Variants in ZFPM1 observed in about 807,000 individuals in gnomAD.
ZFPM1 encodes the protein zinc finger protein ZFPM1.
A neutral mutation model predicts 46.3 loss-of-function variants in ZFPM1; 28 were observed. That is an observed-to-expected ratio of 0.60 (90% CI 0.45 to 0.83). The LOEUF (loss-of-function observed/expected upper bound fraction) is 0.83. Among genes scored for constraint, ZFPM1 ranks in the 40% least tolerant of loss-of-function variants. The pLI is 0.00. For synonymous variants in ZFPM1, 957 were observed against 675.9 expected (o/e 1.42, Z -6.45); for missense variants, 1,878 against 1,432.4 (o/e 1.31, Z -5.02).
chr16:88,474,493 A>C (rs546959623), intron 1 of ZFPM1, among the ~76,000 whole-genome samples: 2 of 151,920 alleles, frequency 1.3e-5, no homozygotes, highest in Middle Eastern at 6.8e-3. Context: ...ATAAAACCCC[A>C]GCTCCCTCCA....
chr16:88,523,109 G>C (rs958088648), intron 4 of ZFPM1, among the ~76,000 whole-genome samples: 6 of 152,022 alleles, frequency 3.9e-5, no homozygotes, highest in Non-Finnish European at 7.4e-5. Context: ...GGGAGGCTGA[G>C]GCAGGAGAAT....
chr16:88,456,180 G>A (rs1022839711), intron 1 of ZFPM1, among the ~76,000 whole-genome samples: 42 of 152,206 alleles, frequency 2.8e-4, no homozygotes, highest in African/African-American at 1.0e-3. Context: ...TGTGGCCGGT[G>A]GTACAGTCCG....
At chr16:88,465,690 C>T (rs889707807) in intron 1 of ZFPM1, among the ~76,000 whole-genome samples, 2 of 152,184 alleles carry the variant, frequency 1.3e-5, no homozygotes, top group African/African-American at 4.8e-5. Flanking sequence ...GTGTGCTCCC[C>T]GGCTTGGCTC....
In ZFPM1 at chr16:88,534,851, C is replaced by G; in HGVS notation, c.2893C>G (p.Pro965Ala). The change falls in exon 10 of 10, where the codon CCG (proline) becomes GCG (alanine). Residue 965 changes from proline (P) to alanine (A), a missense_variant. By Grantham distance (27) the Pro-to-Ala change is conservative. Transcript: ENST00000319555. ...KGVQTPSKGT[P>A]APLPNGNHRY... The stretch of plus-strand genomic sequence containing the variant: ...CGTCCAGACTCCCAGCAAGGGCACG[C>G]CGGCGCCGCTGCCCAACGGCAACCA... 6.4e-7 allele frequency: 1 copy of G among 1,562,672 alleles called. No homozygotes were observed.
chr16:88,485,890 G>C, intron 1 of ZFPM1, 49 bp from the exon 2 acceptor site: 1 of 1,577,338 alleles, frequency 6.3e-7, no homozygotes, highest in Middle Eastern at 1.7e-4. Context: ...GGAGGCAGGA[G>C]CTGTCCCCCC....
At chr16:88,462,536 G>A (rs1350355666) in intron 1 of ZFPM1, among the ~76,000 whole-genome samples, 1 of 152,198 alleles carries the variant, frequency 6.6e-6, no homozygotes, top group Admixed American at 6.5e-5. Context: ...GCTGTGCCTA[G>A]GACCTGCATG....
At chr16:88,458,211 C>T (rs1324946902) in intron 1 of ZFPM1, among the ~76,000 whole-genome samples, 1 of 152,216 alleles carries the variant, frequency 6.6e-6, no homozygotes, top group Non-Finnish European at 1.5e-5. Flanking sequence ...CATCCTCCGG[C>T]TTCTGTCTGC....
intron 1 of ZFPM1, among the ~76,000 whole-genome samples, chr16:88,458,746 T>G (rs112459901): frequency 0.025 from 3,756 of 152,226 alleles, 151 homozygotes; most frequent in African/African-American, 0.086. Context: ...AGGTGCCCAG[T>G]GGCTCCTGAC....
rs963920877 is a variant in ZFPM1 at position 88,509,859 on chromosome 16, G to T, written c.269-4528G>T. On this transcript the variant is annotated intron_variant, in intron 3 of 9. Coordinates refer to ENST00000319555, the MANE Select transcript of ZFPM1 (RefSeq NM_153813.3). ...GGATGGGAGCAGACGCTCCTCTACCGGCTTGCTGCCACACGCGCGTCACGG... is the reference window on the plus strand; with the variant it reads ...GGATGGGAGCAGACGCTCCTCTACCTGCTTGCTGCCACACGCGCGTCACGG... 2.0e-5 allele frequency among the ~76,000 whole-genome samples: 3 copies of T among 152,146 alleles called. No homozygotes were observed. The South Asian group carries it at 6.2e-4, about 32-fold the overall frequency.
intron 6 of ZFPM1, among the ~76,000 whole-genome samples, chr16:88,528,806 A>G (rs1284689899): frequency 6.6e-6 from 1 of 152,162 alleles, no homozygotes; most frequent in Non-Finnish European, 1.5e-5. Context: ...TCCTAGTCTC[A>G]AGCCATCCTG....
intron 3 of ZFPM1, among the ~76,000 whole-genome samples, chr16:88,510,937 C>A (rs1910923359): frequency 6.6e-6 from 1 of 152,180 alleles, no homozygotes; most frequent in African/African-American, 2.4e-5. Context: ...GGGGCAGGTA[C>A]TCAGTTGGGT....
rs907027776 is a variant in ZFPM1 at position 88,462,791 on chromosome 16, C to G, written c.40+9113C>G. Among the ~76,000 whole-genome samples the G allele has an allele frequency of 9.2e-5, 14 of 152,252 alleles. 1 individual carries two copies. Among genetic ancestry groups the G allele is most frequent in the Admixed American group, 7.8e-4 (12 of 15,290 alleles). Reference sequence around the variant, plus strand: ...GCACCAGGCTGGGCTCCAGGGTTGCCCGGTCTTCGTGCAAGTCACTCAGCC... The same window carrying G: ...GCACCAGGCTGGGCTCCAGGGTTGCGCGGTCTTCGTGCAAGTCACTCAGCC... On this transcript the variant is annotated intron_variant, in intron 1 of 9. Transcript: ENST00000319555.
chr16:88,463,158 G>C (rs1907976568), intron 1 of ZFPM1, among the ~76,000 whole-genome samples: 1 of 152,254 alleles, frequency 6.6e-6, no homozygotes, highest in Admixed American at 6.5e-5. Context: ...GGAGGCCCCA[G>C]GGCCAGGTGG....
intron 1 of ZFPM1, chr16:88,468,783 C>G (rs1481858648): frequency 1.3e-5 from 2 of 152,404 alleles, no homozygotes; most frequent in Non-Finnish European, 2.9e-5. Flanking sequence ...GGGGTGAGGC[C>G]CAGGGATTGG....
At chr16:88,494,131 C>T (rs1194312342) in intron 3 of ZFPM1, among the ~76,000 whole-genome samples, 1 of 152,120 alleles carries the variant, frequency 6.6e-6, no homozygotes, top group East Asian at 1.9e-4. Flanking sequence ...GGCTGCAGGC[C>T]TTGAGCTTGT....
rs1318157562 is a variant in ZFPM1, at chr16:88,534,858, C to A, written c.2900C>A (p.Pro967Gln). The change falls in exon 10 of 10, where the codon CCG becomes CAG. Residue 967 changes from proline (P) to glutamine (Q), a missense_variant. Transcript: ENST00000319555. ...ACTCCCAGCAAGGGCACGCCGGCGC[C>A]GCTGCCCAACGGCAACCACCGGTAC... is the stretch of plus-strand genomic sequence containing the variant. ...VQTPSKGTPA[P>Q]LPNGNHRYCR... 6.4e-7 allele frequency: 1 copy of A among 1,565,086 alleles called. No homozygotes were observed. The highest frequency in any genetic ancestry group is 8.6e-7 in the Non-Finnish European group (1 of 1,162,322).
At chr16:88,454,012 C>G (rs1378770661) in intron 1 of ZFPM1, among the ~76,000 whole-genome samples, 1 of 152,220 alleles carries the variant, frequency 6.6e-6, no homozygotes, top group Non-Finnish European at 1.5e-5. Flanking sequence ...TAGGGCGGCC[C>G]CGATCTGGGC....
At chr16:88,463,742 C>T (rs922464041) in intron 1 of ZFPM1, among the ~76,000 whole-genome samples, 4 of 152,236 alleles carry the variant, frequency 2.6e-5, no homozygotes, top group African/African-American at 9.6e-5. Context: ...GGAGACCTTT[C>T]CCTGCTCCCG....
At chr16:88,518,250 G>A (rs929537811) in intron 4 of ZFPM1, among the ~76,000 whole-genome samples, 8 of 152,172 alleles carry the variant, frequency 5.3e-5, no homozygotes, top group Non-Finnish European at 1.2e-4. Context: ...AGGTGGATGG[G>A]TGGGTGAGTA....
Sources: gnomAD v4.1 joint callset for allele counts (sites outside exome capture counted in the v4.1 genomes callset) on GRCh38, gnomAD v4.1.1 for gene constraint, MANE v1.5 for transcripts, NCBI Gene and HGNC (gene_info 2026-07-23, HGNC 2026-07-21) for gene names.